Variants in TXLNB observed in about 807,000 individuals in gnomAD.
TXLNB encodes taxilin beta.
A neutral mutation model predicts 57.4 loss-of-function variants in TXLNB; 37 were observed. The ratio of observed to expected loss-of-function variants is 0.64; its 90% CI spans 0.50 to 0.85. The LOEUF (loss-of-function observed/expected upper bound fraction) is 0.85, where lower values mean the gene tolerates loss of function less well. TXLNB is among the 40% of genes least tolerant of loss of function. TXLNB has a pLI of 0.00. For synonymous variants in TXLNB, 302 were observed against 309.6 expected (o/e 0.98, Z 0.26); for missense variants, 848 against 825.6 (o/e 1.03, Z -0.33).
the TXLNB span, among the ~76,000 whole-genome samples, chr6:139,208,912 T>C: frequency 6.6e-6 from 1 of 152,152 alleles, no homozygotes; most frequent in Non-Finnish European, 1.5e-5. Context: ...CCACTTCCAT[T>C]CAACATAGTA....
At chr6:139,259,764 G>A (rs1214394661) in intron 6 of TXLNB, among the ~76,000 whole-genome samples, 1 of 152,152 alleles carries the variant, frequency 6.6e-6, no homozygotes. Context: ...CTAACACGGT[G>A]CTTAGTAGAT....
the TXLNB span, among the ~76,000 whole-genome samples, chr6:139,159,741 G>T: frequency 0.55 from 84,240 of 152,028 alleles, 24,184 homozygotes; most frequent in Non-Finnish European, 0.59. Flanking sequence ...TTATGCAGTA[G>T]TGGGTTTACA....
At chr6:139,306,184 G>A in the TXLNB span, among the ~76,000 whole-genome samples, 9 of 152,176 alleles carry the variant, frequency 5.9e-5, no homozygotes, top group Non-Finnish European at 1.3e-4. Flanking sequence ...CCTTAAGGTT[G>A]TAAGGTGATT....
chr6:139,184,640 CTTT>C, the TXLNB span, among the ~76,000 whole-genome samples: 1 of 152,168 alleles, frequency 6.6e-6, no homozygotes, highest in South Asian at 2.1e-4. Context: ...GGGGATCTAG[CTTT>C]GAGTTATTTT....
In TXLNB at chr6:139,242,856, GGAGGGAGGTTC is replaced by G; in HGVS notation, c.1714_1724del (p.Glu572GlnfsTer4). Reference sequence around the variant, plus strand: ...ACCCGGCAGGAGAATTACTGGCCTTGGAGGGAGGTTCAGCATCACTGCCTCCTTCGGCTTCA... The same window carrying G: ...ACCCGGCAGGAGAATTACTGGCCTTGAGCATCACTGCCTCCTTCGGCTTCA... On this transcript the variant is annotated frameshift_variant, in exon 10 of 10. Coordinates refer to ENST00000358430, the MANE Select transcript of TXLNB (RefSeq NM_153235.4). LOFTEE classifies it low-confidence loss of function (END_TRUNC). The G allele has an allele frequency of 6.2e-7, 1 of 1,614,158 alleles. No individual in the cohort carries two copies. Among genetic ancestry groups the G allele is most frequent in the Non-Finnish European group, 8.5e-7 (1 of 1,180,032 alleles).
the TXLNB span, among the ~76,000 whole-genome samples, chr6:139,316,725 C>T: frequency 2.2e-4 from 33 of 152,306 alleles, no homozygotes; most frequent in African/African-American, 7.2e-4. Context: ...CATCTGAGAA[C>T]AACTAAGACT....
upstream of TXLNB, among the ~76,000 whole-genome samples, chr6:139,295,528 C>T (rs148017791): frequency 5.9e-5 from 9 of 152,158 alleles, no homozygotes; most frequent in East Asian, 1.7e-3. Flanking sequence ...CTTCCTCCAA[C>T]CTTGTGATGC....
chr6:139,194,752 G>A, the TXLNB span, among the ~76,000 whole-genome samples: 1 of 152,176 alleles, frequency 6.6e-6, no homozygotes, highest in Admixed American at 6.5e-5. Flanking sequence ...TTCTTTCAGA[G>A]TAAAAGTCAA....
At position 139,282,803 on chromosome 6, in the gene TXLNB, C is replaced by G. The variant is rs1777085520; in HGVS notation, c.424+5673G>C. Among the ~76,000 whole-genome samples, 2 of 145,616 alleles carry G rather than the reference C, an allele frequency of 1.4e-5. 1 individual carries two copies. The highest frequency in any genetic ancestry group is 4.6e-4 in the South Asian group (2 of 4,320). On this transcript the variant is annotated intron_variant, in intron 2 of 9. Transcript: ENST00000358430. ...ACAAAGTCCATCCCTTGCTTTATGA[C>G]TAATCTCACAATCACATCAACTAGA...
the TXLNB span, among the ~76,000 whole-genome samples, chr6:139,182,633 C>T: frequency 6.6e-6 from 1 of 152,174 alleles, no homozygotes. Context: ...GTTCTCTCAA[C>T]TCTGCAGTGA....
chr6:139,176,143 T>C, the TXLNB span, among the ~76,000 whole-genome samples: 1 of 152,148 alleles, frequency 6.6e-6, no homozygotes, highest in South Asian at 2.1e-4. This position sits in a 1 kb window ranked among gnomAD's most constrained non-coding sequence, Gnocchi z 4.5. Context: ...TACAGAAAAG[T>C]AGTTCCTGCA....
the TXLNB span, among the ~76,000 whole-genome samples, chr6:139,228,850 C>T: frequency 6.6e-6 from 1 of 152,274 alleles, no homozygotes; most frequent in South Asian, 2.1e-4. Flanking sequence ...AAATAGTCTC[C>T]TGCCCCACTT....
the TXLNB span, among the ~76,000 whole-genome samples, chr6:139,303,259 A>ATGT: frequency 1.3e-5 from 2 of 152,170 alleles, no homozygotes; most frequent in Admixed American, 1.3e-4. Flanking sequence ...TTTCCATGTA[A>ATGT]TGTTACTCGC....
chr6:139,168,742 G>A, the TXLNB span, among the ~76,000 whole-genome samples: 1 of 152,092 alleles, frequency 6.6e-6, no homozygotes, highest in Non-Finnish European at 1.5e-5. Flanking sequence ...TCCCCCAGGA[G>A]CTTTTTGAGA....
At chr6:139,204,179 T>C in the TXLNB span, among the ~76,000 whole-genome samples, 1 of 152,142 alleles carries the variant, frequency 6.6e-6, no homozygotes, top group African/African-American at 2.4e-5. Context: ...GCCTCCCAAG[T>C]AGCTGGGATT....
the TXLNB span, chr6:139,174,391 T>C: frequency 6.2e-7 from 1 of 1,613,542 alleles, no homozygotes; most frequent in South Asian, 1.1e-5. Context: ...ACAGGGAGAC[T>C]CATGCATCTG....
chr6:139,165,867 C>A, the TXLNB span, among the ~76,000 whole-genome samples: 3 of 152,150 alleles, frequency 2.0e-5, no homozygotes, highest in Non-Finnish European at 4.4e-5. Context: ...CACTTCCTGT[C>A]CTGGTAGCTT....
At chr6:139,189,868 C>G in the TXLNB span, among the ~76,000 whole-genome samples, 2 of 152,134 alleles carry the variant, frequency 1.3e-5, no homozygotes, top group Non-Finnish European at 2.9e-5. Context: ...TGATGGGATT[C>G]CATGTAAATG....
chr6:139,201,055 C>A, the TXLNB span, among the ~76,000 whole-genome samples: 1 of 152,162 alleles, frequency 6.6e-6, no homozygotes, highest in South Asian at 2.1e-4. Flanking sequence ...AAACCCAACC[C>A]ACCAACCCCT....
Sources: allele counts gnomAD v4.1 joint callset (sites outside exome capture counted in the v4.1 genomes callset), GRCh38; gene constraint gnomAD v4.1.1; non-coding constraint Gnocchi (gnomAD v3.1); transcripts MANE v1.5; gene names NCBI Gene and HGNC (gene_info 2026-07-23, HGNC 2026-07-21).